Variants in TTLL9 observed in about 807,000 individuals in gnomAD.
TTLL9 encodes the protein tubulin tyrosine ligase like 9, also known as probable tubulin polyglutamylase TTLL9.
A neutral mutation model predicts 65.6 loss-of-function variants in TTLL9; 47 were observed. The observed-to-expected ratio is 0.72, with a 90% CI of 0.57 to 0.91. The LOEUF is 0.91. Ranked by LOEUF, TTLL9 falls within the 40% of genes least tolerant of loss-of-function variation. TTLL9 has a pLI of 0.00. For synonymous variants in TTLL9, 179 were observed against 204.8 expected (o/e 0.87, Z 1.07); for missense variants, 537 against 568.8 (o/e 0.94, Z 0.57).
intron 3 of TTLL9, among the ~76,000 whole-genome samples, chr20:31,889,276 C>CT (rs2063246412): frequency 1.3e-5 from 2 of 149,732 alleles, no homozygotes; most frequent in African/African-American, 5.1e-5. Flanking sequence ...CCTTTTTTTT[C>CT]TTTTTTTGAG....
chr20:31,902,620 G>T (rs1176759265), intron 4 of TTLL9, among the ~76,000 whole-genome samples: 1 of 151,968 alleles, frequency 6.6e-6, no homozygotes, highest in Non-Finnish European at 1.5e-5. Flanking sequence ...TCCACCTTTG[G>T]GCTGTTATAC....
intron 2 of TTLL9, among the ~76,000 whole-genome samples, chr20:31,877,092 T>C (rs1232665646): frequency 1.3e-5 from 2 of 152,248 alleles, no homozygotes; most frequent in Admixed American, 6.5e-5. Flanking sequence ...CTTAATGGTC[T>C]GAAGGAGTTC....
At position 31,909,705 on chromosome 20, in the gene TTLL9, G is replaced by A. The variant is rs764558910; in HGVS notation, c.319-32G>A. 9 of 1,605,752 alleles carry A rather than the reference G, an allele frequency of 5.6e-6. No individual in the cohort carries two copies. In the African/African-American group the frequency reaches 1.1e-4, roughly 19 times the overall value. ...GAGGGGAGCGGGGCTGTGAGCAGGA[G>A]CTAATGGCCGCCTGTCCTTCCCGCC... On this transcript the variant is annotated intron_variant, in intron 5 of 14. Transcript: ENST00000535842.
intron 12 of TTLL9, among the ~76,000 whole-genome samples, chr20:31,935,891 A>G (rs577799499): frequency 5.9e-5 from 9 of 152,266 alleles, no homozygotes; most frequent in African/African-American, 1.4e-4. Flanking sequence ...GAGTGTTGTG[A>G]TTAGGATGAC....
intron 10 of TTLL9, among the ~76,000 whole-genome samples, chr20:31,929,925 T>C (rs1295798722): frequency 6.6e-6 from 1 of 152,068 alleles, no homozygotes; most frequent in Non-Finnish European, 1.5e-5. Context: ...GTCAGGAGCT[T>C]GAGACCAGCC....
At chr20:31,881,381 A>C (rs1265908845) in intron 2 of TTLL9, among the ~76,000 whole-genome samples, 1 of 151,446 alleles carries the variant, frequency 6.6e-6, no homozygotes, top group Non-Finnish European at 1.5e-5. Flanking sequence ...TTGAATGACT[A>C]TTGAACTACC....
At chr20:31,922,400 C>T (rs143786842) in intron 7 of TTLL9, among the ~76,000 whole-genome samples, 101 of 152,328 alleles carry the variant, frequency 6.6e-4, no homozygotes, top group African/African-American at 2.2e-3. Flanking sequence ...GTCTCCAGAA[C>T]GTTTCATCTT....
chr20:31,926,105 C>T lies in TTLL9; in HGVS notation c.748+14C>T, dbSNP rs2063901484. The T allele has an allele frequency of 6.4e-7, 1 of 1,565,988 alleles. No individual in the cohort carries two copies. Among genetic ancestry groups the T allele is most frequent in the African/African-American group, 1.4e-5 (1 of 73,964 alleles). On this transcript the variant is annotated intron_variant, in intron 10 of 14. Transcript: ENST00000535842. ...ACAGGAGACAGGGTATGAGATAGGT[C>T]TGGTCCCTTCCCTCCGGGAGCTTCC...
intron 12 of TTLL9, 39 bp from the exon 13 acceptor site, chr20:31,937,357 C>T (rs367684436): frequency 4.7e-5 from 72 of 1,516,182 alleles, no homozygotes; most frequent in Non-Finnish European, 5.8e-5. Flanking sequence ...CTCCAGGGAC[C>T]GAGTAACCCT....
At chr20:31,875,369 G>A (rs927684556) in intron 2 of TTLL9, among the ~76,000 whole-genome samples, 1 of 152,176 alleles carries the variant, frequency 6.6e-6, no homozygotes, top group Non-Finnish European at 1.5e-5. Flanking sequence ...AGTTGACAGA[G>A]TAGGAACCCT....
At chr20:31,873,725 AGAAAGAAAGAAAAAGG>A (rs1214578246) in intron 2 of TTLL9, among the ~76,000 whole-genome samples, 4 of 140,376 alleles carry the variant, frequency 2.8e-5, no homozygotes, top group Non-Finnish European at 4.6e-5. Flanking sequence ...AAAGAAAGAA[AGAAAGAAAGAAAAAGG>A]AAGGAAGGAA....
At chr20:31,926,194 C>A in intron 10 of TTLL9, 103 bp downstream of exon 10, 1 of 763,056 alleles carries the variant, frequency 1.3e-6, no homozygotes, top group South Asian at 1.5e-5. Context: ...CTGCAAGCTG[C>A]TCTGCCTGAT....
intron 6 of TTLL9, among the ~76,000 whole-genome samples, chr20:31,913,032 T>C (rs749947356): frequency 2.0e-5 from 3 of 151,900 alleles, no homozygotes; most frequent in Non-Finnish European, 4.4e-5. Flanking sequence ...TGGTGGCGAG[T>C]GCCTGTAGTG....
chr20:31,900,080 T>A (rs2063454074), intron 4 of TTLL9, among the ~76,000 whole-genome samples: 1 of 152,160 alleles, frequency 6.6e-6, no homozygotes, highest in Non-Finnish European at 1.5e-5. Flanking sequence ...AATGTAGTTT[T>A]TATTCAGGGA....
chr20:31,926,174 G>C (rs2063903761), intron 10 of TTLL9, 83 bp downstream of exon 10: 1 of 912,092 alleles, frequency 1.1e-6, no homozygotes, highest in Non-Finnish European at 1.8e-6. Context: ...ACTCTGCTCA[G>C]AGCAGCTCAC....
chr20:31,901,643 GT>G (rs1005053866), intron 4 of TTLL9, among the ~76,000 whole-genome samples: 11 of 152,146 alleles, frequency 7.2e-5, no homozygotes, highest in Middle Eastern at 3.2e-3. Flanking sequence ...TTTTCTTAGT[GT>G]TCTTGAACAT....
rs1600639034 is a variant in TTLL9, at chr20:31,942,846, C to T, written c.1244-99C>T. ...CCACAGGCTGTGTGTGGTTGTCTGA[C>T]TCCCGCTGTCCCCTCTTCCCAGCAG... On this transcript the variant is annotated intron_variant, in intron 14 of 14. Coordinates refer to ENST00000535842, the MANE Select transcript of TTLL9 (RefSeq NM_001008409.5). The T allele has an allele frequency of 1.7e-5, 20 of 1,167,976 alleles. No homozygotes were observed. In the East Asian group the frequency reaches 4.2e-4, roughly 25 times the overall value. 72.4% of individuals were successfully genotyped at this position (1,167,976 alleles called of 1,614,324 possible). A position where few individuals can be genotyped will look rare whatever the true frequency, so the allele number is the denominator to read the frequency against.
Position 31,943,815 on chromosome 20 carries a change from C to A in TTLL9, c.*794C>A. On this transcript the variant is annotated 3_prime_UTR_variant, in exon 15 of 15. Coordinates refer to ENST00000535842, the MANE Select transcript of TTLL9 (RefSeq NM_001008409.5). ...GAGCCAGAAACCGGAAAACCCTGGG[C>A]TCATGGGCAGGACAGCTTCGGGAGT... is the stretch of plus-strand genomic sequence containing the variant. The A allele has an allele frequency of 2.2e-6, 1 of 456,668 alleles. No individual in the cohort carries two copies. The highest frequency in any genetic ancestry group is 4.4e-6 in the Non-Finnish European group (1 of 226,968). The allele number at this position is 456,668 out of a possible 1,614,324, so 28.3% of individuals were successfully genotyped here.
At chr20:31,915,899 G>A (rs1221795176) in intron 6 of TTLL9, among the ~76,000 whole-genome samples, 1 of 152,198 alleles carries the variant, frequency 6.6e-6, no homozygotes, top group Non-Finnish European at 1.5e-5. Flanking sequence ...CTATTTCAGA[G>A]TAGCAAACCA....
Sources: allele counts gnomAD v4.1 joint callset (sites outside exome capture counted in the v4.1 genomes callset), GRCh38; gene constraint gnomAD v4.1.1; transcripts MANE v1.5; gene names NCBI Gene and HGNC (gene_info 2026-07-23, HGNC 2026-07-21).